The following ITGBL1 variants were observed in gnomAD, a reference collection of about 807,000 sequenced individuals.
ITGBL1 encodes the protein integrin subunit beta like 1, also known as integrin beta-like protein 1.
In ITGBL1, 51 loss-of-function variants were observed where a neutral mutation model predicts 68.5. That is an observed-to-expected ratio of 0.74 (90% CI 0.59 to 0.94). The LOEUF (loss-of-function observed/expected upper bound fraction) is 0.94, where lower values mean the gene tolerates loss of function less well. ITGBL1 is among the 40% of genes least tolerant of loss of function. ITGBL1 has a pLI of 0.00. For synonymous variants in ITGBL1, 209 were observed against 227.3 expected, an observed-to-expected ratio of 0.92 and a Z score of 0.72; for missense variants, 649 against 647.4, an observed-to-expected ratio of 1.00 and a Z score of -0.03.
chr13:101,706,299 C>T (rs2034262469), intron 8 of ITGBL1, among the ~76,000 whole-genome samples: 4 of 152,080 alleles, frequency 2.6e-5, no homozygotes, highest in Admixed American at 2.6e-4. Context: ...AATATAGTAC[C>T]AAATGCCATT....
intron 2 of ITGBL1, among the ~76,000 whole-genome samples, chr13:101,479,600 ACAACT>A (rs1314003261): frequency 1.3e-5 from 2 of 148,836 alleles, no homozygotes; most frequent in Admixed American, 6.9e-5. Context: ...AGAAGCCCAC[ACAACT>A]CAACAGGAAA....
rs1275218524 is a variant in ITGBL1, at chr13:101,693,620, GTCTGTCTATCTA to G, written c.1132+923_1132+934del. Among the ~76,000 whole-genome samples, 15 of 99,340 alleles carry G rather than the reference GTCTGTCTATCTA, an allele frequency of 1.5e-4. No individual in the cohort carries two copies. The East Asian group carries it at 1.7e-3, about 11-fold the overall frequency. 65.2% of individuals were successfully genotyped at this position (99,340 alleles called of 152,430 possible). A position where few individuals can be genotyped will look rare whatever the true frequency, so the allele number is the denominator to read the frequency against. ...CACCATCCATCCATCCTATCTGTCT[GTCTGTCTATCTA>G]TCTATCTATCTATCTATCTATCTAT... On this transcript the variant is annotated intron_variant, in intron 8 of 10. Transcript: ENST00000376180.
intron 2 of ITGBL1, among the ~76,000 whole-genome samples, chr13:101,459,150 A>G (rs2048284562): frequency 6.6e-6 from 1 of 152,170 alleles, no homozygotes; most frequent in Non-Finnish European, 1.5e-5. Flanking sequence ...TTTAAGTGGA[A>G]TTGATATAAA....
At chr13:101,663,992 C>T (rs763988573) in intron 7 of ITGBL1, among the ~76,000 whole-genome samples, 31 of 152,066 alleles carry the variant, frequency 2.0e-4, no homozygotes, top group Admixed American at 8.5e-4. Flanking sequence ...TCTCAAAATG[C>T]TTTTGAGGAG....
chr13:101,603,366 A>G (rs906389819), intron 7 of ITGBL1, among the ~76,000 whole-genome samples: 2 of 151,974 alleles, frequency 1.3e-5, no homozygotes, highest in African/African-American at 4.8e-5. Context: ...TAAGTAGAAG[A>G]GTGGAGGAGT....
chr13:101,507,062 A>G (rs1435203863), intron 2 of ITGBL1, among the ~76,000 whole-genome samples: 2 of 152,176 alleles, frequency 1.3e-5, no homozygotes, highest in Non-Finnish European at 2.9e-5. Context: ...CATTTGGGAG[A>G]AAAAGGAATA....
At chr13:101,532,942 A>G (rs2049508940) in intron 2 of ITGBL1, among the ~76,000 whole-genome samples, 2 of 152,332 alleles carry the variant, frequency 1.3e-5, no homozygotes, top group East Asian at 1.9e-4. Context: ...TTAACAATAC[A>G]TAATAGAGGG....
At chr13:101,575,395 A>G (rs758371818) in intron 3 of ITGBL1, 29 bp from the exon 4 acceptor site, 1 of 1,604,554 alleles carries the variant, frequency 6.2e-7, no homozygotes, top group South Asian at 1.1e-5. Context: ...TGCATGTAAC[A>G]AACAGTCTTT....
At chr13:101,605,853 T>A (rs1401979706) in intron 7 of ITGBL1, among the ~76,000 whole-genome samples, 1 of 150,300 alleles carries the variant, frequency 6.7e-6, no homozygotes, top group African/African-American at 2.4e-5. Flanking sequence ...TACATATGTA[T>A]GTGTGTATAT....
At chr13:101,664,139 A>G (rs1461872253) in intron 7 of ITGBL1, among the ~76,000 whole-genome samples, 1 of 152,194 alleles carries the variant, frequency 6.6e-6, no homozygotes, top group Non-Finnish European at 1.5e-5. Context: ...TGAAATACAA[A>G]GGCTCTGAAA....
chr13:101,665,253 C>T (rs547116984), intron 7 of ITGBL1, among the ~76,000 whole-genome samples: 1 of 152,240 alleles, frequency 6.6e-6, no homozygotes, highest in South Asian at 2.1e-4. Flanking sequence ...GAATTGACAG[C>T]ATTGATGTTC....
At chr13:101,475,889 C>G (rs941755786) in intron 2 of ITGBL1, among the ~76,000 whole-genome samples, 1 of 152,082 alleles carries the variant, frequency 6.6e-6, no homozygotes, top group African/African-American at 2.4e-5. Context: ...AGCAACAAAA[C>G]TTTCCCAGAT....
intron 2 of ITGBL1, among the ~76,000 whole-genome samples, chr13:101,519,455 G>A (rs1298772538): frequency 6.6e-6 from 1 of 152,030 alleles, no homozygotes; most frequent in Non-Finnish European, 1.5e-5. Flanking sequence ...AGGCTAATCT[G>A]CACTTACTCT....
At chr13:101,643,705 C>G (rs1323259024) in intron 7 of ITGBL1, among the ~76,000 whole-genome samples, 1 of 152,040 alleles carries the variant, frequency 6.6e-6, no homozygotes, top group Admixed American at 6.6e-5. Context: ...TACAGGGGAG[C>G]AATTTGAGAA....
chr13:101,525,537 T>TAA (rs1555356248), intron 2 of ITGBL1, among the ~76,000 whole-genome samples: 1 of 148,834 alleles, frequency 6.7e-6, no homozygotes, highest in Admixed American at 6.7e-5. Flanking sequence ...TTTTTTTTTT[T>TAA]ATGTGGAAAA....
At chr13:101,576,511 A>G (rs1377673871) in intron 4 of ITGBL1, among the ~76,000 whole-genome samples, 1 of 152,182 alleles carries the variant, frequency 6.6e-6, no homozygotes, top group African/African-American at 2.4e-5. Flanking sequence ...TTTCACTCCT[A>G]TCTCATGGGA....
chr13:101,540,626 C>A (rs1018854613), intron 2 of ITGBL1, among the ~76,000 whole-genome samples: 44 of 152,012 alleles, frequency 2.9e-4, no homozygotes, highest in Non-Finnish European at 6.0e-4. Flanking sequence ...GGCAATTGAA[C>A]CTATAAATTA....
chr13:101,583,265 G>A lies in ITGBL1; in HGVS notation c.777G>A (p.Gly259=). 1.2e-6 allele frequency: 2 copies of A among 1,613,568 alleles called. No individual in the cohort carries two copies. Among genetic ancestry groups the A allele is most frequent in the South Asian group, 1.1e-5 (1 of 91,050 alleles). Residue 259 remains glycine, a synonymous_variant, in exon 6 of 11, where the codon GGG becomes GGA. Coordinates refer to ENST00000376180, the MANE Select transcript of ITGBL1 (RefSeq NM_004791.3). ...ECTCHDVDPT[G]DWGDIHGDTC... ...CCTGTCACGATGTTGATCCGACTGG[G>A]GACTGGGGAGATATTCATGGGGACA...
chr13:101,533,807 T>C (rs545755158), intron 2 of ITGBL1, among the ~76,000 whole-genome samples: 1 of 152,370 alleles, frequency 6.6e-6, no homozygotes. Flanking sequence ...TTTCCTAATA[T>C]GATTCATAAA....
Sources: gnomAD v4.1 joint callset for allele counts (sites outside exome capture counted in the v4.1 genomes callset) on GRCh38, gnomAD v4.1.1 for gene constraint, MANE v1.5 for transcripts, NCBI Gene and HGNC (gene_info 2026-07-23, HGNC 2026-07-21) for gene names.